The following PCDHGB2 variants were observed in gnomAD, a reference collection of about 807,000 sequenced individuals.
The protein encoded by PCDHGB2 is protocadherin gamma-B2.
Under a neutral mutation model 59.3 loss-of-function variants are expected in PCDHGB2, and 55 were observed. The observed-to-expected ratio is 0.93, with a 90% confidence interval of 0.75 to 1.16. PCDHGB2 has a LOEUF of 1.16. Ranked by LOEUF, PCDHGB2 falls within the 50% of genes most tolerant of loss-of-function variation. PCDHGB2 has a pLI of 0.00. For synonymous variants in PCDHGB2, 516 were observed against 512.0 expected (o/e 1.01, Z -0.11); for missense variants, 1,228 against 1,198.5 (o/e 1.02, Z -0.36).
At position 141,490,448 on chromosome 5, in the gene PCDHGB2, A is replaced by C. The variant is rs1309104827; in HGVS notation, c.2422-4359A>C. 1 of 1,614,206 alleles carries C rather than the reference A, an allele frequency of 6.2e-7. No homozygotes were observed. Among genetic ancestry groups the C allele is most frequent in the Admixed American group, 1.7e-5 (1 of 60,030 alleles). ...TTTCAGATTAAGCCTTCTGAGAACC[A>C]CTACTCGCTGCTAACCAGCCAGCCT... is the stretch of plus-strand genomic sequence containing the variant. On this transcript the variant is annotated intron_variant, in intron 1 of 3. Coordinates refer to ENST00000522605, the MANE Select transcript of PCDHGB2 (RefSeq NM_018923.3). This position sits in a 1 kb window ranked among gnomAD's most constrained non-coding sequence, Gnocchi z 5.4.
intron 1 of PCDHGB2, among the ~76,000 whole-genome samples, chr5:141,457,190 G>A (rs2098913282): frequency 6.6e-6 from 1 of 152,200 alleles, no homozygotes; most frequent in African/African-American, 2.4e-5. Context: ...GTAGAGTGAG[G>A]AAAGCAGTTC....
At chr5:141,434,193 T>C (rs2097677103) in intron 1 of PCDHGB2, among the ~76,000 whole-genome samples, 1 of 152,246 alleles carries the variant, frequency 6.6e-6, no homozygotes, top group Non-Finnish European at 1.5e-5. Flanking sequence ...GTAATTCCAA[T>C]GTACTTACTT....
intron 3 of PCDHGB2, among the ~76,000 whole-genome samples, chr5:141,505,765 T>C (rs970212345): frequency 5.3e-5 from 8 of 151,922 alleles, no homozygotes; most frequent in African/African-American, 1.9e-4. Flanking sequence ...ACAGTGTAGC[T>C]CAGGTCCTAG....
chr5:141,407,497 G>GTTTTTTT (rs1554102286), intron 1 of PCDHGB2, among the ~76,000 whole-genome samples: 1 of 152,088 alleles, frequency 6.6e-6, no homozygotes, highest in African/African-American at 2.4e-5. Context: ...CTTTATTTCT[G>GTTTTTTT]TTTTTCTTAG....
intron 1 of PCDHGB2, chr5:141,433,042 G>A (rs752612411): frequency 6.2e-6 from 10 of 1,614,142 alleles, no homozygotes; most frequent in Non-Finnish European, 7.6e-6. Flanking sequence ...CCCTCACCAC[G>A]GACTCGCGGA....
chr5:141,378,838 G>A (rs1352949775), intron 1 of PCDHGB2: 5 of 152,196 alleles, frequency 3.3e-5, no homozygotes, highest in Non-Finnish European at 1.5e-5. Flanking sequence ...GAAAACAGCA[G>A]AGTTTTTGAC....
At chr5:141,393,167 G>C (rs889451396) in intron 1 of PCDHGB2, 17 of 1,613,166 alleles carry the variant, frequency 1.1e-5, no homozygotes, top group East Asian at 2.2e-5. Context: ...AACTCTTTGG[G>C]GTAGAAATAG....
chr5:141,503,556 G>A (rs1021346255), intron 2 of PCDHGB2, among the ~76,000 whole-genome samples: 1 of 145,962 alleles, frequency 6.9e-6, no homozygotes, highest in East Asian at 2.0e-4. Context: ...CCGAGATCGC[G>A]CCACTGTACT....
At chr5:141,370,509 G>T (rs1353191551) in intron 1 of PCDHGB2, 2 of 1,613,920 alleles carry the variant, frequency 1.2e-6, no homozygotes, top group South Asian at 1.1e-5. Flanking sequence ...CGCTATTCCC[G>T]AGGAGCTGGA....
chr5:141,465,048 A>AT (rs905091014), intron 1 of PCDHGB2, among the ~76,000 whole-genome samples: 18 of 151,226 alleles, frequency 1.2e-4, no homozygotes, highest in African/African-American at 4.4e-4. Context: ...GACCCTATAT[A>AT]TTTTTTTGAA....
chr5:141,367,409 C>G (rs923534694), intron 1 of PCDHGB2: 1 of 152,094 alleles, frequency 6.6e-6, no homozygotes, highest in Non-Finnish European at 1.5e-5. Flanking sequence ...TGGTGGCAGG[C>G]GCCTGTAGTC....
chr5:141,423,050 G>C, intron 1 of PCDHGB2: 1 of 1,614,186 alleles, frequency 6.2e-7, no homozygotes, highest in Non-Finnish European at 8.5e-7. Flanking sequence ...CTGTCCTATC[G>C]CCTGCTTAAG....
At chr5:141,366,054 T>C in intron 1 of PCDHGB2, 2 of 1,614,220 alleles carry the variant, frequency 1.2e-6, no homozygotes, top group Non-Finnish European at 1.7e-6. Flanking sequence ...TCCACGGGCG[T>C]GGAGCTGGCG....
intron 1 of PCDHGB2, chr5:141,427,891 G>A (rs767506033): frequency 1.3e-6 from 2 of 1,566,658 alleles, no homozygotes; most frequent in South Asian, 2.2e-5. Context: ...CACGACCAGG[G>A]CTCGCCCGCG....
At chr5:141,368,370 TA>T (rs1332977748) in intron 1 of PCDHGB2, among the ~76,000 whole-genome samples, 7 of 152,116 alleles carry the variant, frequency 4.6e-5, no homozygotes, top group African/African-American at 7.2e-5. Flanking sequence ...TACACACATA[TA>T]TATACACACA....
intron 1 of PCDHGB2, chr5:141,375,893 C>G (rs1156930577): frequency 5.0e-6 from 8 of 1,613,804 alleles, no homozygotes; most frequent in Non-Finnish European, 5.1e-6. Flanking sequence ...GAACGCCTGG[C>G]TGTCCTACCG....
At chr5:141,366,451 C>A (rs372498112) in intron 1 of PCDHGB2, 8 of 1,614,110 alleles carry the variant, frequency 5.0e-6, no homozygotes, top group Non-Finnish European at 6.8e-6. Context: ...TCCTGGCCTT[C>A]GTCATCGTGC....
chr5:141,383,406 T>G lies in PCDHGB2; in HGVS notation c.2421+20850T>G, dbSNP rs780989648. 25 of 1,613,866 alleles carry G rather than the reference T, an allele frequency of 1.5e-5. No individual in the cohort carries two copies. In the African/African-American group the frequency reaches 3.2e-4, roughly 21 times the overall value. ...ATGTGGGCACGAACTCCCTCCAGAG[T>G]TACCAGCTCAGCCCCAATCGCCACT... On this transcript the variant is annotated intron_variant, in intron 1 of 3. Coordinates refer to ENST00000522605, the MANE Select transcript of PCDHGB2 (RefSeq NM_018923.3).
chr5:141,432,196 C>G lies in PCDHGB2; in HGVS notation c.2422-62611C>G, dbSNP rs200790843. ...TCGTCTCTGTGACCGCCCACGACCC[C>G]GACTGTGAAGAGAACGCCCAGATCA... On this transcript the variant is annotated intron_variant, in intron 1 of 3. Transcript: ENST00000522605. The surrounding 1 kb of genome is among the most constrained non-coding windows in gnomAD (Gnocchi z 6.0). The G allele has an allele frequency of 6.2e-7, 1 of 1,614,192 alleles. No individual in the cohort carries two copies. Among genetic ancestry groups the G allele is most frequent in the East Asian group, 2.2e-5 (1 of 44,880 alleles).
Sources: gnomAD v4.1 joint callset for allele counts (sites outside exome capture counted in the v4.1 genomes callset) on GRCh38, gnomAD v4.1.1 for gene constraint, Gnocchi (gnomAD v3.1) non-coding constraint, MANE v1.5 for transcripts, NCBI Gene and HGNC (gene_info 2026-07-23, HGNC 2026-07-21) for gene names.